Variants in MAZ observed in about 807,000 individuals in gnomAD.
MAZ encodes myc-associated zinc finger protein.
Under a neutral mutation model 32.7 loss-of-function variants are expected in MAZ, and 4 were observed. The observed-to-expected ratio is 0.12, with a 90% CI of 0.06 to 0.28. The LOEUF (loss-of-function observed/expected upper bound fraction) is 0.28, where lower values mean the gene tolerates loss of function less well. Among genes scored for constraint, MAZ ranks in the 10% least tolerant of loss-of-function variants. The probability of loss-of-function intolerance (pLI) is 1.00; values close to 1 mark genes in which losing one functional copy is unlikely to be tolerated. For synonymous variants in MAZ, 510 were observed against 297.6 expected (o/e 1.71, Z -7.35); for missense variants, 763 against 667.2 (o/e 1.14, Z -1.58).
At chr16:29,807,971 C>G (rs527457711) in intron 2 of MAZ, 143 bp downstream of exon 2, 1 of 1,419,626 alleles carries the variant, frequency 7.0e-7, no homozygotes, top group African/African-American at 1.4e-5. Context: ...GAGGAAGCCT[C>G]TCCCGGTTAC....
At chr16:29,809,072 G>A (rs1899744323) in intron 4 of MAZ, 2 of 526,818 alleles carry the variant, frequency 3.8e-6, no homozygotes, top group East Asian at 3.2e-5. Context: ...GCAGCCACAA[G>A]GTCTTGTCTC....
At chr16:29,807,910 A>T in intron 2 of MAZ, 82 bp downstream of exon 2, 1 of 1,546,694 alleles carries the variant, frequency 6.5e-7, no homozygotes, top group Non-Finnish European at 8.7e-7. Context: ...GCTGGCGGGG[A>T]GGGAGGCGGC....
intron 4 of MAZ, chr16:29,809,718 C>A: frequency 6.8e-7 from 1 of 1,472,052 alleles, no homozygotes. Context: ...CGGGAGACGC[C>A]CCCCAGCCAC....
intron 4 of MAZ, chr16:29,809,759 C>G (rs974606989): frequency 7.1e-7 from 1 of 1,411,906 alleles, no homozygotes; most frequent in Non-Finnish European, 9.3e-7. Context: ...CCCCCGCACC[C>G]ACCAGGCAAG....
rs1379449526 is a variant in MAZ at position 29,809,754 on chromosome 16, G to A, written c.1280-323G>A. The A allele has an allele frequency of 4.9e-6, 7 of 1,415,570 alleles. No homozygotes were observed. The South Asian group carries it at 7.3e-5, about 15-fold the overall frequency. The allele number at this position is 1,415,570 out of a possible 1,614,324, so 87.7% of individuals were successfully genotyped here. A position where few individuals can be genotyped will look rare whatever the true frequency, so the allele number is the denominator to read the frequency against. On this transcript the variant is annotated intron_variant, in intron 4 of 4. Transcript: ENST00000322945. ...AGCCCACCTGCTGAGGGGGACCCCC[G>A]CACCCACCAGGCAAGGCGTGGGGCA...
intron 3 of MAZ, 98 bp from the exon 4 acceptor site, chr16:29,808,472 C>T: frequency 3.9e-6 from 4 of 1,030,512 alleles, no homozygotes; most frequent in East Asian, 2.6e-5. Flanking sequence ...TCAAAGATCC[C>T]CAAGGCTCTG....
At position 29,810,733 on chromosome 16, in the gene MAZ, C is replaced by T. The variant is rs1057099164; in HGVS notation, c.*502C>T. On this transcript the variant is annotated 3_prime_UTR_variant, in exon 5 of 5. Transcript: ENST00000322945. ...TCAGAGCTGTCCCAAAGAGGGAAAGCGGTGAGGTTTGAGGAGGGGCAGAAG... is the reference window on the plus strand; with the variant it reads ...TCAGAGCTGTCCCAAAGAGGGAAAGTGGTGAGGTTTGAGGAGGGGCAGAAG... 7.6e-6 allele frequency: 3 copies of T among 394,270 alleles called. No homozygotes were observed. Among genetic ancestry groups the T allele is most frequent in the East Asian group, 6.0e-5 (1 of 16,740 alleles). 24.4% of individuals were successfully genotyped at this position (394,270 alleles called of 1,614,324 possible). A position where few individuals can be genotyped will look rare whatever the true frequency, so the allele number is the denominator to read the frequency against.
Position 29,810,719 on chromosome 16 carries a change from C to T in MAZ, c.*488C>T. On this transcript the variant is annotated 3_prime_UTR_variant, in exon 5 of 5. Coordinates refer to ENST00000322945, the MANE Select transcript of MAZ (RefSeq NM_002383.4). ...AGGAAGGAGGGGGATCAGAGCTGTCCCAAAGAGGGAAAGCGGTGAGGTTTG... is the reference window on the plus strand; with the variant it reads ...AGGAAGGAGGGGGATCAGAGCTGTCTCAAAGAGGGAAAGCGGTGAGGTTTG... 1 of 425,544 alleles carries T rather than the reference C, an allele frequency of 2.3e-6. No homozygotes were observed. The highest frequency in any genetic ancestry group is 4.4e-6 in the Non-Finnish European group (1 of 228,888). 26.4% of individuals were successfully genotyped at this position (425,544 alleles called of 1,614,324 possible).
At chr16:29,809,672 T>C (rs1899794455) in intron 4 of MAZ, 1 of 1,567,796 alleles carries the variant, frequency 6.4e-7, no homozygotes, top group Non-Finnish European at 8.6e-7. Context: ...GCCGGCCACA[T>C]GCAGACCCAT....
upstream of MAZ, chr16:29,806,135 TCC>T: frequency 1.1e-6 from 1 of 880,418 alleles, no homozygotes; most frequent in Non-Finnish European, 1.5e-6. Flanking sequence ...CCTCCCTCCC[TCC>T]CTCCGCCATG....
At chr16:29,808,091 G>A in intron 2 of MAZ, 139 bp from the exon 3 acceptor site, 1 of 980,186 alleles carries the variant, frequency 1.0e-6, no homozygotes, top group Non-Finnish European at 1.6e-6. Flanking sequence ...TCCAGGGGAG[G>A]GATTTCCTGC....
Position 29,806,847 on chromosome 16 carries a change from A to C in MAZ, c.146A>C (p.Gln49Pro). Residue 49 changes from glutamine (Q) to proline (P), a missense_variant, in exon 1 of 5, where the codon CAG becomes CCG. Physicochemically the swap from Gln to Pro is moderately conservative, Grantham distance 76. Coordinates refer to ENST00000322945, the MANE Select transcript of MAZ (RefSeq NM_002383.4). ...QNPLQVGAEL[Q>P]SRFFASQGCA... The stretch of plus-strand genomic sequence containing the variant: ...CCCCTGCAGGTCGGGGCTGAGCTCC[A>C]GTCCCGCTTCTTTGCCTCCCAGGGC... 1 of 1,440,056 alleles carries C rather than the reference A, an allele frequency of 6.9e-7. No individual in the cohort carries two copies. The highest frequency in any genetic ancestry group is 3.1e-5 in the East Asian group (1 of 31,912). The allele number at this position is 1,440,056 out of a possible 1,614,324, so 89.2% of individuals were successfully genotyped here.
rs767895242 is a variant in MAZ at position 29,810,126 on chromosome 16, GGCAGCAGCGGCAGCA to G, written c.1331_1345del (p.Ala444_Ala448del). The G allele has an allele frequency of 1.3e-6, 2 of 1,591,478 alleles. No homozygotes were observed. The highest frequency in any genetic ancestry group is 2.2e-5 in the South Asian group (2 of 89,542). Reference sequence around the variant, plus strand: ...CGGCGGCAGCGGCAGCGGCGGCAGCGGCAGCAGCGGCAGCAGTAGCAGCCCCTCCCACAGCTGTGG... The same window carrying G: ...CGGCGGCAGCGGCAGCGGCGGCAGCGGTAGCAGCCCCTCCCACAGCTGTGG... On this transcript the variant is annotated inframe_deletion, in exon 5 of 5. Transcript: ENST00000322945.
At chr16:29,809,798 G>C in intron 4 of MAZ, 1 of 1,155,906 alleles carries the variant, frequency 8.7e-7, no homozygotes, top group East Asian at 2.6e-5. Flanking sequence ...GGGCGGGATG[G>C]GGGGTGTGGG....
Position 29,810,120 on chromosome 16 carries a change from GGCAGCGGCA to G in MAZ, c.1337_1345del (p.Ala446_Ala448del), listed in dbSNP as rs753879391. 1,407 of 1,598,238 alleles carry G rather than the reference GGCAGCGGCA, an allele frequency of 8.8e-4. 1 individual carries two copies. Among genetic ancestry groups the G allele is most frequent in the East Asian group, 5.3e-3 (236 of 44,504 alleles). On this transcript the variant is annotated inframe_deletion, in exon 5 of 5. Coordinates refer to ENST00000322945, the MANE Select transcript of MAZ (RefSeq NM_002383.4). Reference sequence around the variant, plus strand: ...CAATGGCGGCGGCAGCGGCAGCGGCGGCAGCGGCAGCAGCGGCAGCAGTAGCAGCCCCTC... The same window carrying G: ...CAATGGCGGCGGCAGCGGCAGCGGCGGCAGCGGCAGCAGTAGCAGCCCCTC...
chr16:29,809,981 T>A, intron 4 of MAZ, 96 bp from the exon 5 acceptor site: 26 of 1,529,990 alleles, frequency 1.7e-5, no homozygotes, highest in South Asian at 2.5e-5. Flanking sequence ...GAGCAACGGC[T>A]GTGTCCCAGG....
chr16:29,810,102 G>GGCGGCGGCGGCA lies in MAZ; in HGVS notation c.1310_1311insGGCGGCAGCGGC (p.Ala445_Ala448dup), dbSNP rs1555501525. 1 of 1,560,432 alleles carries GGCGGCGGCGGCA rather than the reference G, an allele frequency of 6.4e-7. No homozygotes were observed. The highest frequency in any genetic ancestry group is 1.4e-5 in the African/African-American group (1 of 70,946). On this transcript the variant is annotated inframe_insertion, in exon 5 of 5. Transcript: ENST00000322945. ...GTACTGGTGAGGTTTGTCCAATGGC[G>GGCGGCGGCGGCA]GCGGCAGCGGCAGCGGCGGCAGCGG...
chr16:29,808,036 G>T, intron 2 of MAZ, 194 bp from the exon 3 acceptor site: 1 of 1,101,248 alleles, frequency 9.1e-7, no homozygotes, highest in Admixed American at 2.4e-5. Flanking sequence ...GTTGACGGAA[G>T]CTTCGCGTGG....
At position 29,809,398 on chromosome 16, in the gene MAZ, C is replaced by T. The variant is rs541359166; in HGVS notation, c.1279+657C>T. 124 of 643,272 alleles carry T rather than the reference C, an allele frequency of 1.9e-4. No homozygotes were observed. The African/African-American group carries it at 2.2e-3, about 11-fold the overall frequency. 39.8% of individuals were successfully genotyped at this position (643,272 alleles called of 1,614,324 possible). ...GCTGTGTCTACCAGCCCCAACAGAG[C>T]AGTTGGCCCCAGGCTACCAAGGATA... is the stretch of plus-strand genomic sequence containing the variant. On this transcript the variant is annotated intron_variant, in intron 4 of 4. Coordinates refer to ENST00000322945, the MANE Select transcript of MAZ (RefSeq NM_002383.4).
Sources: allele counts gnomAD v4.1 joint callset, GRCh38; gene constraint gnomAD v4.1.1; transcripts MANE v1.5; gene names NCBI Gene and HGNC (gene_info 2026-07-23, HGNC 2026-07-21).